Variants in DECR1 observed in about 807,000 individuals in gnomAD.
The protein encoded by DECR1 is 2,4-dienoyl-CoA reductase [(3E)-enoyl-CoA-producing], mitochondrial.
In DECR1, 44 loss-of-function variants were observed where a neutral mutation model predicts 38.8. The ratio of observed to expected loss-of-function variants is 1.13; its 90% CI spans 0.89 to 1.46. The LOEUF is 1.46. DECR1 is among the 40% of genes most tolerant of loss of function. DECR1 has a pLI of 0.00. For missense variants in DECR1, 428 were observed against 405.5 expected (o/e 1.06, Z -0.48); for synonymous variants, 148 against 135.2 (o/e 1.09, Z -0.66).
chr8:90,020,784 G>A (rs1456546820), intron 4 of DECR1, 125 bp from the exon 5 acceptor site: 6 of 656,366 alleles, frequency 9.1e-6, no homozygotes, highest in African/African-American at 7.6e-5. Context: ...GTATTGTTTC[G>A]TAGGTAGCTG....
intron 1 of DECR1, chr8:90,016,756 G>A (rs1184223519): frequency 1.9e-5 from 4 of 210,866 alleles, no homozygotes; most frequent in Non-Finnish European, 9.6e-6. Flanking sequence ...TGCTTACTAT[G>A]TGCTACACAC....
intron 4 of DECR1, 32 bp downstream of exon 4, chr8:90,019,204 A>G (rs780689913): frequency 3.9e-6 from 6 of 1,556,116 alleles, no homozygotes; most frequent in South Asian, 1.1e-5. Flanking sequence ...CCAAAGTGCA[A>G]GACACTTGAT....
intron 5 of DECR1, 26 bp from the exon 6 acceptor site, chr8:90,036,815 T>C: frequency 6.9e-7 from 1 of 1,458,026 alleles, no homozygotes; most frequent in Non-Finnish European, 9.6e-7. Context: ...ATATTGCTAA[T>C]CAACTGTATC....
At chr8:90,011,933 A>G (rs2130021340) in intron 1 of DECR1, among the ~76,000 whole-genome samples, 1 of 152,270 alleles carries the variant, frequency 6.6e-6, no homozygotes, top group South Asian at 2.1e-4. Context: ...GGTGGCTTTA[A>G]TCAACTGTTT....
At chr8:90,041,917 T>A (rs1294220538) in intron 6 of DECR1, among the ~76,000 whole-genome samples, 1 of 152,154 alleles carries the variant, frequency 6.6e-6, no homozygotes, top group Non-Finnish European at 1.5e-5. Context: ...ATGAATTCTT[T>A]TAAGCTACCT....
intron 9 of DECR1, 41 bp downstream of exon 9, chr8:90,051,780 A>G (rs764388131): frequency 6.2e-7 from 1 of 1,611,746 alleles, no homozygotes; most frequent in African/African-American, 1.3e-5. Context: ...AGCAGCTAGG[A>G]TACTAAGCTT....
rs1268604276 is a variant in DECR1, at chr8:90,036,825, C to T, written c.566-16C>T. Reference sequence around the variant, plus strand: ...CATCTATATTGCTAATCAACTGTATCCTTTTAAAATTTCAGGAGCAGCATT... The same window carrying T: ...CATCTATATTGCTAATCAACTGTATTCTTTTAAAATTTCAGGAGCAGCATT... On this transcript the variant is annotated splice_polypyrimidine_tract_variant and intron_variant, in intron 5 of 9. Transcript: ENST00000220764. 1 of 1,564,046 alleles carries T rather than the reference C, an allele frequency of 6.4e-7. No homozygotes were observed. Among genetic ancestry groups the T allele is most frequent in the Non-Finnish European group, 8.8e-7 (1 of 1,136,908 alleles).
intron 8 of DECR1, among the ~76,000 whole-genome samples, chr8:90,049,971 C>T (rs1814028839): frequency 6.6e-6 from 1 of 152,150 alleles, no homozygotes; most frequent in African/African-American, 2.4e-5. Context: ...ACTGGCTAGC[C>T]ATATGTAGAA....
At chr8:90,025,340 CT>C (rs1813303671) in intron 5 of DECR1, among the ~76,000 whole-genome samples, 1 of 152,152 alleles carries the variant, frequency 6.6e-6, no homozygotes. Flanking sequence ...GATATTGATT[CT>C]TCCTATCCAT....
chr8:90,003,357 T>G (rs1444770483), intron 1 of DECR1: 1 of 152,368 alleles, frequency 6.6e-6, no homozygotes, highest in East Asian at 1.9e-4. Context: ...TGCTGCTGGC[T>G]AATAGGCCTC....
chr8:90,031,625 T>C (rs1225842923), intron 5 of DECR1, among the ~76,000 whole-genome samples: 1 of 152,154 alleles, frequency 6.6e-6, no homozygotes, highest in Non-Finnish European at 1.5e-5. Context: ...TAGATTTTCA[T>C]ATGGGCTCTC....
At chr8:90,017,070 ATC>A (rs1187025836) in intron 1 of DECR1, 52 bp from the exon 2 acceptor site, 9 of 1,299,242 alleles carry the variant, frequency 6.9e-6, no homozygotes, top group Non-Finnish European at 9.8e-6. Flanking sequence ...TAAAAAATTC[ATC>A]TGTTTTTTGG....
chr8:90,020,365 T>C (rs1395397434), intron 4 of DECR1, among the ~76,000 whole-genome samples: 1 of 152,190 alleles, frequency 6.6e-6, no homozygotes, highest in African/African-American at 2.4e-5. Flanking sequence ...TCTGTATTAA[T>C]TTTCTTTTTT....
chr8:90,044,092 T>C (rs1024997115), intron 7 of DECR1, among the ~76,000 whole-genome samples: 4 of 152,128 alleles, frequency 2.6e-5, no homozygotes, highest in Admixed American at 2.6e-4. Flanking sequence ...AAAACTGAAG[T>C]GTAGAAACTC....
At chr8:90,024,765 T>C (rs1181970108) in intron 5 of DECR1, among the ~76,000 whole-genome samples, 3 of 152,194 alleles carry the variant, frequency 2.0e-5, no homozygotes, top group Non-Finnish European at 4.4e-5. Context: ...GGCCATTGCT[T>C]TTGGTGTTTT....
chr8:90,010,750 T>C (rs1340643622), intron 1 of DECR1, among the ~76,000 whole-genome samples: 2 of 152,238 alleles, frequency 1.3e-5, no homozygotes, highest in Non-Finnish European at 2.9e-5. Context: ...AAAATAGATG[T>C]GGAAATATTT....
chr8:90,020,529 C>T (rs1236071662), intron 4 of DECR1, among the ~76,000 whole-genome samples: 1 of 152,116 alleles, frequency 6.6e-6, no homozygotes, highest in Non-Finnish European at 1.5e-5. Context: ...GCTGGGAATA[C>T]AGGCACGTGC....
intron 1 of DECR1, among the ~76,000 whole-genome samples, chr8:90,010,614 C>T (rs1812859367): frequency 6.6e-6 from 1 of 152,156 alleles, no homozygotes; most frequent in African/African-American, 2.4e-5. Context: ...GTGTTTACCA[C>T]GCTGATAGTT....
At position 90,002,396 on chromosome 8, in the gene DECR1, T is replaced by C. The variant is rs562718725; in HGVS notation, c.69+835T>C. Among the ~76,000 whole-genome samples, 8 of 152,162 alleles carry C rather than the reference T, an allele frequency of 5.3e-5. No individual in the cohort carries two copies. The South Asian group carries it at 6.2e-4, about 12-fold the overall frequency. On this transcript the variant is annotated intron_variant, in intron 1 of 9. Transcript: ENST00000220764. ...TCCGTCTCACACTGGCTTCCCCCTC[T>C]CTCTGGCCCACACTCCTGTCACCAT...
Sources: allele counts gnomAD v4.1 joint callset (sites outside exome capture counted in the v4.1 genomes callset), GRCh38; gene constraint gnomAD v4.1.1; transcripts MANE v1.5; gene names NCBI Gene and HGNC (gene_info 2026-07-23, HGNC 2026-07-21).